PDE4B: variants seen among roughly 807,000 people sequenced by gnomAD.
PDE4B encodes phosphodiesterase 4B, also known as 3',5'-cyclic-AMP phosphodiesterase 4B.
PDE4B carries 20 observed loss-of-function variants against 82.2 expected under a neutral mutation model. The observed-to-expected ratio is 0.24, with a 90% CI of 0.17 to 0.35. The LOEUF (loss-of-function observed/expected upper bound fraction) is 0.35. PDE4B is among the 10% of genes least tolerant of loss of function. The pLI is 1.00. For synonymous variants in PDE4B, 320 were observed against 318.9 expected, an observed-to-expected ratio of 1.00 and a Z score of -0.04; for missense variants, 655 against 907.2, an observed-to-expected ratio of 0.72 and a Z score of 3.57.
intron 7 of PDE4B, among the ~76,000 whole-genome samples, chr1:66,298,503 T>A (rs190247462): frequency 1.2e-4 from 18 of 152,276 alleles, no homozygotes; most frequent in African/African-American, 3.4e-4. Context: ...TTTATTGCAT[T>A]CGTTTTAAAG....
chr1:65,793,488 C>T (rs1191385703), intron 1 of PDE4B, among the ~76,000 whole-genome samples: 2 of 152,296 alleles, frequency 1.3e-5, no homozygotes, highest in Middle Eastern at 3.4e-3. Context: ...GCCCTTGGAC[C>T]TCTTGACAAG....
chr1:65,894,009 G>A (rs960829388), intron 1 of PDE4B, among the ~76,000 whole-genome samples: 1 of 152,000 alleles, frequency 6.6e-6, no homozygotes, highest in Non-Finnish European at 1.5e-5. Context: ...GTTTGGGAGG[G>A]GGGTACCAGA....
At chr1:65,863,702 T>C (rs1014523343) in intron 1 of PDE4B, among the ~76,000 whole-genome samples, 2 of 152,232 alleles carry the variant, frequency 1.3e-5, no homozygotes, top group African/African-American at 4.8e-5. Flanking sequence ...ATTCAGTGCA[T>C]GCATATTTAG....
At chr1:66,153,994 G>A (rs1481835582) in intron 3 of PDE4B, among the ~76,000 whole-genome samples, 1 of 152,088 alleles carries the variant, frequency 6.6e-6, no homozygotes, top group African/African-American at 2.4e-5. Context: ...AATGCACCTG[G>A]GAGGAATTAC....
intron 3 of PDE4B, among the ~76,000 whole-genome samples, chr1:66,055,278 C>G (rs1467955474): frequency 6.6e-6 from 1 of 152,156 alleles, no homozygotes; most frequent in Non-Finnish European, 1.5e-5. Flanking sequence ...TTGTAAAGAG[C>G]ATGTTTGCGT....
intron 3 of PDE4B, among the ~76,000 whole-genome samples, chr1:66,079,698 T>C (rs1194225838): frequency 6.6e-6 from 1 of 152,098 alleles, no homozygotes; most frequent in Admixed American, 6.6e-5. Context: ...TATTTGAAGA[T>C]ACTAAATGTC....
chr1:65,895,277 C>G (rs1374858099), intron 1 of PDE4B, among the ~76,000 whole-genome samples: 3 of 151,952 alleles, frequency 2.0e-5, no homozygotes, highest in African/African-American at 7.2e-5. Context: ...AGGCTGGGTG[C>G]GGTGGCTCAC....
chr1:66,029,251 T>G (rs1261895566), intron 3 of PDE4B, among the ~76,000 whole-genome samples: 1 of 152,116 alleles, frequency 6.6e-6, no homozygotes, highest in African/African-American at 2.4e-5. Context: ...GTGAGACATA[T>G]TCACTATCAC....
chr1:65,864,763 G>A (rs1168135826), intron 1 of PDE4B, among the ~76,000 whole-genome samples: 1 of 152,152 alleles, frequency 6.6e-6, no homozygotes, highest in Non-Finnish European at 1.5e-5. Context: ...GCACCAGCCT[G>A]ATGCCAGCTG....
chr1:66,254,815 T>C (rs1654065419), intron 4 of PDE4B, among the ~76,000 whole-genome samples: 1 of 152,256 alleles, frequency 6.6e-6, no homozygotes, highest in Non-Finnish European at 1.5e-5. Context: ...TGTCTCATTC[T>C]GTCCCTTTCT....
At chr1:65,837,789 T>C (rs1646158017) in intron 1 of PDE4B, among the ~76,000 whole-genome samples, 1 of 151,600 alleles carries the variant, frequency 6.6e-6, no homozygotes, top group Non-Finnish European at 1.5e-5. Flanking sequence ...GTTACATAGG[T>C]AAACTTGTGT....
At position 65,954,116 on chromosome 1, in the gene PDE4B, C is replaced by T. The variant is rs538054423; in HGVS notation, c.281+35281C>T. Among the ~76,000 whole-genome samples the T allele has an allele frequency of 3.0e-3, 463 of 152,082 alleles. 2 individuals are homozygous for T. The highest frequency in any genetic ancestry group is 5.3e-3 in the Non-Finnish European group (358 of 67,966). ...TTCATCATGTTGGCCAGGCTGGTCT[C>T]GAACTCCTGACCTCAAATGATCCAC... On this transcript the variant is annotated intron_variant, in intron 3 of 16. Coordinates refer to ENST00000341517, the MANE Select transcript of PDE4B (RefSeq NM_002600.4).
chr1:66,345,145 G>A lies in PDE4B; in HGVS notation c.748-10382G>A, dbSNP rs1557715673. Among the ~76,000 whole-genome samples the A allele has an allele frequency of 3.3e-5, 5 of 151,964 alleles. 1 individual carries two copies. In the South Asian group the frequency reaches 1.0e-3, roughly 32 times the overall value. On this transcript the variant is annotated intron_variant, in intron 8 of 16. Coordinates refer to ENST00000341517, the MANE Select transcript of PDE4B (RefSeq NM_002600.4). ...AAACTGAGATTCGGGAAAGATAACC[G>A]ATTTGTCCAAGTCCTTTACCTACTA...
chr1:65,897,893 C>T (rs758863205), intron 1 of PDE4B, among the ~76,000 whole-genome samples: 1 of 152,086 alleles, frequency 6.6e-6, no homozygotes, highest in South Asian at 2.1e-4. Flanking sequence ...GTTTTAAGTT[C>T]TTTGAGAAAT....
chr1:66,102,826 G>A (rs147254080), intron 3 of PDE4B, among the ~76,000 whole-genome samples: 2,297 of 152,084 alleles, frequency 0.015, 18 homozygotes, highest in Non-Finnish European at 0.022. Context: ...CTAGAAAGCA[G>A]AAACCTACTA....
chr1:66,331,051 A>T (rs1021699916), intron 7 of PDE4B, among the ~76,000 whole-genome samples: 2 of 152,238 alleles, frequency 1.3e-5, no homozygotes, highest in Non-Finnish European at 2.9e-5. Flanking sequence ...ATTCTTTGAA[A>T]TATGCGTCTG....
intron 1 of PDE4B, among the ~76,000 whole-genome samples, chr1:65,823,396 TAAAAAAAAAAA>T (rs35854326): frequency 1.4e-5 from 1 of 70,418 alleles, no homozygotes; most frequent in Non-Finnish European, 2.7e-5. Context: ...ACTCCATCTC[TAAAAAAAAAAA>T]AAAAAAAAAA....
intron 3 of PDE4B, among the ~76,000 whole-genome samples, chr1:66,170,395 A>G (rs1390134378): frequency 3.9e-5 from 6 of 152,210 alleles, no homozygotes; most frequent in African/African-American, 1.4e-4. Flanking sequence ...TTCAAAAATT[A>G]TAGGAGTAGC....
intron 1 of PDE4B, among the ~76,000 whole-genome samples, chr1:65,811,251 A>C (rs567582493): frequency 1.3e-5 from 2 of 152,328 alleles, no homozygotes; most frequent in South Asian, 4.1e-4. Context: ...TATGCTGAGA[A>C]ATAGTATCTT....
Sources: allele counts gnomAD v4.1 joint callset (sites outside exome capture counted in the v4.1 genomes callset), GRCh38; gene constraint gnomAD v4.1.1; transcripts MANE v1.5; gene names NCBI Gene and HGNC (gene_info 2026-07-23, HGNC 2026-07-21).